Variants in RAB3GAP2 observed in about 807,000 individuals in gnomAD.
The protein encoded by RAB3GAP2 is RAB3 GTPase activating non-catalytic protein subunit 2.
Under a neutral mutation model 185.3 loss-of-function variants are expected in RAB3GAP2, and 87 were observed. The observed-to-expected ratio is 0.47, with a 90% CI of 0.39 to 0.56. The LOEUF is 0.56. RAB3GAP2 is among the 20% of genes least tolerant of loss of function. RAB3GAP2 has a pLI of 0.00. For synonymous variants in RAB3GAP2, 554 were observed against 576.1 expected, an observed-to-expected ratio of 0.96 and a Z score of 0.55; for missense variants, 1,492 against 1,638.2, an observed-to-expected ratio of 0.91 and a Z score of 1.54.
intron 10 of RAB3GAP2, among the ~76,000 whole-genome samples, chr1:220,195,986 G>A (rs1391816402): frequency 1.1e-4 from 16 of 152,098 alleles, no homozygotes; most frequent in Non-Finnish European, 4.4e-5. Context: ...CCTGACTATT[G>A]CACCAATATT....
intron 18 of RAB3GAP2, 108 bp downstream of exon 18, chr1:220,185,543 T>G: frequency 1.3e-6 from 1 of 761,382 alleles, no homozygotes; most frequent in Non-Finnish European, 2.2e-6. Context: ...CTATATTACT[T>G]CCACATTAAA....
At position 220,157,471 on chromosome 1, in the gene RAB3GAP2, A is replaced by G; in HGVS notation, c.3354T>C (p.Asp1118=). 1 of 1,612,796 alleles carries G rather than the reference A, an allele frequency of 6.2e-7. No individual in the cohort carries two copies. Among genetic ancestry groups the G allele is most frequent in the Non-Finnish European group, 8.5e-7 (1 of 1,179,384 alleles). The change falls in exon 31 of 35, where the codon GAT becomes GAC. Residue 1118 remains aspartate (D), a synonymous_variant. Coordinates refer to ENST00000358951, the MANE Select transcript of RAB3GAP2 (RefSeq NM_012414.4). The part of the protein sequence containing the change: ...QILMEADVSR[D]EIQVPVLDTE... ...TATCCAGCACAGGCACCTGTATTTC[A>G]TCCCTGCTAACATCTGCCTAAGGGT...
intron 33 of RAB3GAP2, among the ~76,000 whole-genome samples, chr1:220,151,981 C>G (rs1332810103): frequency 6.6e-6 from 1 of 152,114 alleles, no homozygotes; most frequent in Non-Finnish European, 1.5e-5. Context: ...ATCACCTAAT[C>G]TTTCAATTCA....
intron 1 of RAB3GAP2, among the ~76,000 whole-genome samples, chr1:220,246,453 A>G (rs1375026630): frequency 3.7e-5 from 5 of 133,884 alleles, no homozygotes; most frequent in Non-Finnish European, 7.8e-5. Flanking sequence ...TCATGCTGCT[A>G]TAAAGACACA....
Position 220,153,645 on chromosome 1 carries a change from A to G in RAB3GAP2, c.3646-239T>C, listed in dbSNP as rs191171363. 61 of 323,612 alleles carry G rather than the reference A, an allele frequency of 1.9e-4. No homozygotes were observed. In the Admixed American group the frequency reaches 2.6e-3, roughly 14 times the overall value. The allele number at this position is 323,612 out of a possible 1,614,324, so 20.0% of individuals were successfully genotyped here. ...ACTTTAAGTTCTAGGGTACATGTGC[A>G]CAACGTGTAGGTTTGTTACATATGT... On this transcript the variant is annotated intron_variant, in intron 32 of 34. Coordinates refer to ENST00000358951, the MANE Select transcript of RAB3GAP2 (RefSeq NM_012414.4).
chr1:220,170,290 A>G (rs1658149497), intron 24 of RAB3GAP2, among the ~76,000 whole-genome samples: 1 of 152,180 alleles, frequency 6.6e-6, no homozygotes, highest in South Asian at 2.1e-4. Context: ...TAGGGAAGGG[A>G]TAGCATTAGG....
chr1:220,261,040 G>C (rs769188525), intron 1 of RAB3GAP2, among the ~76,000 whole-genome samples: 1 of 152,080 alleles, frequency 6.6e-6, no homozygotes, highest in Non-Finnish European at 1.5e-5. Context: ...GTAGCCAGGT[G>C]GTGGTTTTTA....
chr1:220,254,449 T>C, intron 1 of RAB3GAP2: 1 of 1,613,366 alleles, frequency 6.2e-7, no homozygotes, highest in South Asian at 1.1e-5. Context: ...TCTTCACGAT[T>C]TCCTAAAGTA....
In RAB3GAP2 at chr1:220,193,317, A is replaced by G; in HGVS notation, c.1193T>C (p.Leu398Pro). Reference protein sequence around the residue: ...ESICLSPCNTLAAVTDDFGRV... With the variant: ...ESICLSPCNTPAAVTDDFGRV... Reference sequence around the variant, plus strand: ...GCCGAAATCATCTGTTACTGCTGCCAGTGTGTTACATGGAGACAGACATAT... The same window carrying G: ...GCCGAAATCATCTGTTACTGCTGCCGGTGTGTTACATGGAGACAGACATAT... The change falls in exon 13 of 35, where the codon CTG (leucine) becomes CCG (proline). Residue 398 changes from leucine to proline, a missense_variant. Leu to Pro is a moderately conservative substitution (Grantham distance 98). Around this residue, in one of 5 missense-constraint regions of RAB3GAP2, gnomAD observed 681 missense variants for 689.1 expected, o/e 0.99. Coordinates refer to ENST00000358951, the MANE Select transcript of RAB3GAP2 (RefSeq NM_012414.4). 3 of 1,614,032 alleles carry G rather than the reference A, an allele frequency of 1.9e-6. No homozygotes were observed. Among genetic ancestry groups the G allele is most frequent in the East Asian group, 4.5e-5 (2 of 44,860 alleles).
intron 1 of RAB3GAP2, among the ~76,000 whole-genome samples, chr1:220,244,311 C>T (rs555678783): frequency 6.8e-4 from 104 of 151,968 alleles, no homozygotes; most frequent in African/African-American, 2.1e-3. Flanking sequence ...TTACAACAGC[C>T]GCAAAAAAAT....
chr1:220,243,296 G>C lies in RAB3GAP2; in HGVS notation c.116-10433C>G, dbSNP rs369643546. ...GTGAACCTGGGAGGCAGAGCTTGCA[G>C]TAAGCCGAGATCGTGCCACTGCACT... On this transcript the variant is annotated intron_variant, in intron 1 of 34. Transcript: ENST00000358951. 2.6e-4 allele frequency among the ~76,000 whole-genome samples: 39 copies of C among 149,494 alleles called. No homozygotes were observed. The South Asian group carries it at 8.3e-3, about 32-fold the overall frequency.
In RAB3GAP2 at chr1:220,153,217, A is replaced by T. The variant is rs756510210; in HGVS notation, c.3835T>A (p.Tyr1279Asn). The T allele has an allele frequency of 6.2e-7, 1 of 1,613,926 alleles. No homozygotes were observed. Among genetic ancestry groups the T allele is most frequent in the Non-Finnish European group, 8.5e-7 (1 of 1,179,796 alleles). ...VVRRHYVGEL[Y>N]NYGVDHLGEE... ...CCTAAGTGGTCAACTCCATAGTTGT[A>T]TAGTTCCCCCACATAATGCCTTCTA... Residue 1279 changes from tyrosine (Y) to asparagine (N), a missense_variant, in exon 33 of 35, where the codon TAC (tyrosine) becomes AAC (asparagine). By Grantham distance (143) the Tyr-to-Asn change is moderately radical. Around this residue, in one of 5 missense-constraint regions of RAB3GAP2, gnomAD observed 387 missense variants for 455.3 expected, o/e 0.85. Coordinates refer to ENST00000358951, the MANE Select transcript of RAB3GAP2 (RefSeq NM_012414.4).
At position 220,151,382 on chromosome 1, in the gene RAB3GAP2, C is replaced by A; in HGVS notation, c.4051G>T (p.Glu1351Ter). The A allele has an allele frequency of 6.2e-7, 1 of 1,614,168 alleles. No individual in the cohort carries two copies. Among genetic ancestry groups the A allele is most frequent in the Non-Finnish European group, 8.5e-7 (1 of 1,180,026 alleles). ...AMDPQDLQNT[E>*]VPIATTAKLV... ...TTAGCTGTTGTTGCAATTGGCACTTCAGTGTTTTGAAGGTCCTGGGGGTCC... is the reference window on the plus strand; with the variant it reads ...TTAGCTGTTGTTGCAATTGGCACTTAAGTGTTTTGAAGGTCCTGGGGGTCC... Residue 1351 changes from glutamate to a stop codon, truncating the protein, a stop_gained, in exon 35 of 35, where the codon GAA becomes TAA. Coordinates refer to ENST00000358951, the MANE Select transcript of RAB3GAP2 (RefSeq NM_012414.4). LOFTEE classifies it high-confidence loss of function.
At chr1:220,189,948 G>C in intron 16 of RAB3GAP2, 116 bp downstream of exon 16, 4 of 1,097,944 alleles carry the variant, frequency 3.6e-6, no homozygotes, top group Non-Finnish European at 5.5e-6. Flanking sequence ...CAGCCTTACA[G>C]AGCAATTCCA....
In RAB3GAP2 at chr1:220,158,087, G is replaced by A. The variant is rs546916508; in HGVS notation, c.3262-211C>T. On this transcript the variant is annotated intron_variant, in intron 29 of 34. Transcript: ENST00000358951. This position sits in a 1 kb window ranked among gnomAD's most constrained non-coding sequence, Gnocchi z 4.3. The stretch of plus-strand genomic sequence containing the variant: ...ATTTTAAAGTCAAGCTTTACAAAGT[G>A]GTATAAATATTGACTTTTAAAAAGT... Among the ~76,000 whole-genome samples the A allele has an allele frequency of 6.6e-6, 1 of 152,242 alleles. No homozygotes were observed. The highest frequency in any genetic ancestry group is 1.9e-4 in the East Asian group (1 of 5,166).
chr1:220,195,302 C>T lies in RAB3GAP2; in HGVS notation c.1036G>A (p.Ala346Thr), dbSNP rs779911584. The T allele has an allele frequency of 3.1e-6, 5 of 1,607,712 alleles. No individual in the cohort carries two copies. In the Admixed American group the frequency reaches 6.7e-5, roughly 21 times the overall value. ...TTTTAATTGTTAAGTAATTACCTGG[C>T]AGCATTAAATAAAGCAGAAGTGAGT... ...SKLTSALFNAASGWLGWKSKH... is the reference protein window; with the variant it reads ...SKLTSALFNATSGWLGWKSKH... The change falls in exon 11 of 35, where the codon GCC (alanine) becomes ACC (threonine). Residue 346 changes from alanine to threonine, a missense_variant. By Grantham distance (58) the Ala-to-Thr change is moderately conservative (BLOSUM62 0). Coordinates refer to ENST00000358951, the MANE Select transcript of RAB3GAP2 (RefSeq NM_012414.4).
chr1:220,188,649 C>T (rs1571889947), intron 17 of RAB3GAP2, among the ~76,000 whole-genome samples: 1 of 152,154 alleles, frequency 6.6e-6, no homozygotes, highest in African/African-American at 2.4e-5. Flanking sequence ...TCAACTAGTA[C>T]AGTTGAAGAA....
At chr1:220,207,411 A>G (rs1287623006) in intron 7 of RAB3GAP2, among the ~76,000 whole-genome samples, 5 of 152,150 alleles carry the variant, frequency 3.3e-5, no homozygotes, top group African/African-American at 7.2e-5. Flanking sequence ...ATTTTCTTAT[A>G]GTTCTTAGAT....
intron 28 of RAB3GAP2, 24 bp from the exon 29 acceptor site, chr1:220,159,445 G>A (rs758792384): frequency 1.3e-6 from 2 of 1,522,528 alleles, no homozygotes; most frequent in Admixed American, 1.7e-5. Flanking sequence ...ATAAAATGTT[G>A]TAACATTTAA....
Sources: allele counts gnomAD v4.1 joint callset (sites outside exome capture counted in the v4.1 genomes callset), GRCh38; gene constraint gnomAD v4.1.1; regional missense constraint gnomAD v4.1.1; non-coding constraint Gnocchi (gnomAD v3.1); transcripts MANE v1.5; gene names NCBI Gene and HGNC (gene_info 2026-07-23, HGNC 2026-07-21).